The following FEM1C variants were observed in gnomAD, a reference collection of about 807,000 sequenced individuals.
FEM1C encodes protein fem-1 homolog C.
A neutral mutation model predicts 37.6 loss-of-function variants in FEM1C; 15 were observed. That is an observed-to-expected ratio of 0.40 (90% CI 0.27 to 0.61). FEM1C has a LOEUF of 0.61. Among genes scored for constraint, FEM1C ranks in the 20% least tolerant of loss-of-function variants. FEM1C has a pLI of 0.42. For synonymous variants in FEM1C, 287 were observed against 272.8 expected, an observed-to-expected ratio of 1.05 and a Z score of -0.51; for missense variants, 532 against 749.7, an observed-to-expected ratio of 0.71 and a Z score of 3.39.
chr5:115,538,694 C>T, intron 2 of FEM1C, among the ~76,000 whole-genome samples: 1 of 152,144 alleles, frequency 6.6e-6, no homozygotes, highest in South Asian at 2.1e-4. Flanking sequence ...AAATCCAACT[C>T]CTGTACCTAG....
At chr5:115,543,936 T>C (rs1459691235) in intron 1 of FEM1C, 1 of 985,256 alleles carries the variant, frequency 1.0e-6, no homozygotes, top group Admixed American at 6.1e-5. Context: ...GGCAGCCCGT[T>C]TTCTCGCCTC....
Position 115,524,443 on chromosome 5 carries a change from T to TGAAAA in FEM1C, c.1718_1719insTTTTC (p.Ala574PhefsTer6). 1.2e-6 allele frequency: 2 copies of TGAAAA among 1,613,332 alleles called. No homozygotes were observed. The highest frequency in any genetic ancestry group is 1.7e-6 in the Non-Finnish European group (2 of 1,179,638). ...TTATAGGCTGGATTAAATTTTTAGCTATTTCCTTCTCATCCAGCAAGTCAC... is the reference window on the plus strand; with the variant it reads ...TTATAGGCTGGATTAAATTTTTAGCTGAAAAATTTCCTTCTCATCCAGCAAGTCAC... On this transcript the variant is annotated frameshift_variant, in exon 3 of 3. Coordinates refer to ENST00000274457, the MANE Select transcript of FEM1C (RefSeq NM_020177.3). LOFTEE classifies it high-confidence loss of function.
chr5:115,530,649 AGG>A (rs1753996373), intron 2 of FEM1C, among the ~76,000 whole-genome samples: 1 of 152,160 alleles, frequency 6.6e-6, no homozygotes, highest in African/African-American at 2.4e-5. Flanking sequence ...ACAAATGTCA[AGG>A]GACTGAAGTC....
At chr5:115,540,665 C>T (rs1421669847) in intron 2 of FEM1C, among the ~76,000 whole-genome samples, 1 of 152,012 alleles carries the variant, frequency 6.6e-6, no homozygotes, top group Non-Finnish European at 1.5e-5. Flanking sequence ...CTGAAAAAAT[C>T]TGAGCTATTT....
At chr5:115,528,031 G>C (rs1316201809) in intron 2 of FEM1C, among the ~76,000 whole-genome samples, 1 of 132,910 alleles carries the variant, frequency 7.5e-6, no homozygotes, top group Non-Finnish European at 1.6e-5. Context: ...GGTAGCAAAA[G>C]CCAATTAAAT....
chr5:115,540,483 A>G (rs1443549517), intron 2 of FEM1C, among the ~76,000 whole-genome samples: 1 of 152,074 alleles, frequency 6.6e-6, no homozygotes, highest in East Asian at 1.9e-4. Flanking sequence ...TACATATTAG[A>G]TACTGATACT....
At position 115,543,213 on chromosome 5, in the gene FEM1C, C is replaced by T; in HGVS notation, c.281G>A (p.Gly94Glu). 1 of 1,614,220 alleles carries T rather than the reference C, an allele frequency of 6.2e-7. No individual in the cohort carries two copies. Among genetic ancestry groups the T allele is most frequent in the South Asian group, 1.1e-5 (1 of 91,086 alleles). The change falls in exon 2 of 3, where the codon GGA (glycine) becomes GAA (glutamate). Residue 94 changes from glycine (G) to glutamate (E), a missense_variant. Physicochemically the swap from Gly to Glu is moderately conservative, Grantham distance 98. Around this residue, in one of 3 missense-constraint regions of FEM1C, gnomAD observed 221 missense variants for 404.1 expected, o/e 0.55. Transcript: ENST00000274457. ...APPLWAASAA[G>E]HLKVVQSLLN... ...CAAGGACTGGACCACCTTCAGATGT[C>T]CTGCTGCAGAAGCGGCCCATAAAGG...
chr5:115,530,305 T>C (rs1753987634), intron 2 of FEM1C, among the ~76,000 whole-genome samples: 2 of 152,002 alleles, frequency 1.3e-5, no homozygotes, highest in Admixed American at 6.6e-5. Context: ...AAAAAGGAAA[T>C]ATTTTATAAT....
intron 2 of FEM1C, among the ~76,000 whole-genome samples, chr5:115,534,855 C>T (rs1485360706): frequency 2.0e-5 from 3 of 151,850 alleles, no homozygotes; most frequent in African/African-American, 4.8e-5. Flanking sequence ...GTGATACCTA[C>T]GCTGCTGGTC....
At chr5:115,544,213 C>T (rs1754306492) in intron 1 of FEM1C, 2 of 981,710 alleles carry the variant, frequency 2.0e-6, no homozygotes, top group Non-Finnish European at 2.4e-6. Context: ...CTCAGGAAAT[C>T]CGCCTGCCTT....
rs951676716 is a variant in FEM1C, at chr5:115,522,071, T to C, written c.*2237A>G. ...CACAGGAGTTGCACAATTCAAATTC[T>C]GCTGCAAAACAGTGAGATGTGCCTC... is the stretch of plus-strand genomic sequence containing the variant. On this transcript the variant is annotated 3_prime_UTR_variant, in exon 3 of 3. Coordinates refer to ENST00000274457, the MANE Select transcript of FEM1C (RefSeq NM_020177.3). 6.6e-6 allele frequency: 1 copy of C among 151,840 alleles called. No homozygotes were observed. Among genetic ancestry groups the C allele is most frequent in the Non-Finnish European group, 1.5e-5 (1 of 67,808 alleles). 9.4% of individuals were successfully genotyped at this position (151,840 alleles called of 1,614,324 possible). A position where few individuals can be genotyped will look rare whatever the true frequency, so the allele number is the denominator to read the frequency against.
chr5:115,530,742 A>C (rs1753998159), intron 2 of FEM1C, among the ~76,000 whole-genome samples: 1 of 152,130 alleles, frequency 6.6e-6, no homozygotes, highest in Admixed American at 6.6e-5. Flanking sequence ...TGTCTATTTG[A>C]ATTTTTAATA....
Position 115,523,843 on chromosome 5 carries a change from G to C in FEM1C, c.*465C>G, listed in dbSNP as rs750100068. The C allele has an allele frequency of 6.0e-6, 1 of 167,940 alleles. No individual in the cohort carries two copies. The highest frequency in any genetic ancestry group is 1.3e-5 in the Non-Finnish European group (1 of 77,264). The allele number at this position is 167,940 out of a possible 1,614,324, so 10.4% of individuals were successfully genotyped here. ...GAGTCCTTAAGGTTTGTACAACCTA[G>C]TATGGGTCCATAAGGAAAAAACTGT... On this transcript the variant is annotated 3_prime_UTR_variant, in exon 3 of 3. Transcript: ENST00000274457.
chr5:115,532,796 A>T (rs1754044077), intron 2 of FEM1C, among the ~76,000 whole-genome samples: 1 of 152,054 alleles, frequency 6.6e-6, no homozygotes, highest in African/African-American at 2.4e-5. Flanking sequence ...TACATTACAT[A>T]AACATTTCCC....
chr5:115,530,822 TA>T (rs143932079), intron 2 of FEM1C, among the ~76,000 whole-genome samples: 8,199 of 151,822 alleles, frequency 0.054, 251 homozygotes, highest in Middle Eastern at 0.13. Flanking sequence ...TGGGTGATCA[TA>T]AAAAGCACTA....
intron 2 of FEM1C, among the ~76,000 whole-genome samples, chr5:115,541,840 G>C (rs1187601029): frequency 6.6e-6 from 1 of 152,044 alleles, no homozygotes; most frequent in Non-Finnish European, 1.5e-5. Flanking sequence ...AAGCATGCTT[G>C]TACATAGACA....
rs1307957939 is a variant in FEM1C, at chr5:115,522,009, T to C, written c.*2299A>G. On this transcript the variant is annotated 3_prime_UTR_variant, in exon 3 of 3. Coordinates refer to ENST00000274457, the MANE Select transcript of FEM1C (RefSeq NM_020177.3). ...TGAGTTCTAAGTTATCTATTTTTACTGGTGCAAAAATGCTATTTAAAGAAA... is the reference window on the plus strand; with the variant it reads ...TGAGTTCTAAGTTATCTATTTTTACCGGTGCAAAAATGCTATTTAAAGAAA... The C allele has an allele frequency of 6.6e-6, 1 of 151,872 alleles. No homozygotes were observed. Among genetic ancestry groups the C allele is most frequent in the Non-Finnish European group, 1.5e-5 (1 of 67,814 alleles). The allele number at this position is 151,872 out of a possible 1,614,324, so 9.4% of individuals were successfully genotyped here. A position where few individuals can be genotyped will look rare whatever the true frequency, so the allele number is the denominator to read the frequency against.
At chr5:115,537,848 C>T (rs1020940792) in intron 2 of FEM1C, among the ~76,000 whole-genome samples, 2 of 152,008 alleles carry the variant, frequency 1.3e-5, no homozygotes, top group South Asian at 2.1e-4. Context: ...TCAGATAGTA[C>T]TAAAGTATAC....
At chr5:115,526,450 G>C (rs1753895637) in intron 2 of FEM1C, among the ~76,000 whole-genome samples, 1 of 152,018 alleles carries the variant, frequency 6.6e-6, no homozygotes, top group African/African-American at 2.4e-5. Context: ...CTTTATAGCT[G>C]TACTAAATGT....
Sources: gnomAD v4.1 joint callset for allele counts (sites outside exome capture counted in the v4.1 genomes callset) on GRCh38, gnomAD v4.1.1 for gene constraint, gnomAD v4.1.1 regional missense constraint, MANE v1.5 for transcripts, NCBI Gene and HGNC (gene_info 2026-07-23, HGNC 2026-07-21) for gene names.